Variants in RNF181 observed in about 807,000 individuals in gnomAD.
RNF181 encodes the protein E3 ubiquitin-protein ligase RNF181.
RNF181 carries 25 observed loss-of-function variants against 23.3 expected under a neutral mutation model. That is an observed-to-expected ratio of 1.07 (90% CI 0.78 to 1.50). The LOEUF (loss-of-function observed/expected upper bound fraction) is 1.50. Among genes scored for constraint, RNF181 ranks in the 40% most tolerant of loss-of-function variants. The probability of loss-of-function intolerance (pLI) is 0.00; values close to 1 mark genes in which losing one functional copy is unlikely to be tolerated. For missense variants in RNF181, 167 were observed against 191.1 expected (o/e 0.87, Z 0.74); for synonymous variants, 62 against 70.9 (o/e 0.87, Z 0.63).
At position 85,596,815 on chromosome 2, in the gene RNF181, C is replaced by T. The variant is rs1192569352; in HGVS notation, c.218-7C>T. On this transcript the variant is annotated splice_polypyrimidine_tract_variant and splice_region_variant and intron_variant, in intron 2 of 4. Transcript: ENST00000306368. ...GCAGCTCTCCTGATCAGCACTCCTT[C>T]CTAAAGAGCTCAAGTGCCCCGTGTG... 5 of 1,614,014 alleles carry T rather than the reference C, an allele frequency of 3.1e-6. 1 individual carries two copies. The South Asian group carries it at 5.5e-5, about 18-fold the overall frequency.
At position 85,597,149 on chromosome 2, in the gene RNF181, G is replaced by A. The variant is rs148260133; in HGVS notation, c.373G>A (p.Asp125Asn). The change falls in exon 4 of 5, where the codon GAC (aspartate) becomes AAC (asparagine). Residue 125 changes from aspartate to asparagine, a missense_variant. Asp to Asn is a conservative substitution (Grantham distance 23). Transcript: ENST00000306368. The part of the protein sequence containing the change: ...LCRYELPTDD[D>N]TYEEHRRDKA... ...CCGCTATGAGCTGCCCACTGATGAC[G>A]ACACTTATGAGGAGCACAGACGAGA... 70 of 1,613,874 alleles carry A rather than the reference G, an allele frequency of 4.3e-5. No individual in the cohort carries two copies. The highest frequency in any genetic ancestry group is 5.3e-5 in the African/African-American group (4 of 74,918).
rs778175270 is a variant in RNF181, at chr2:85,595,758, G to T, written c.-6G>T. ...TCCGAGGGCTGTGTCAGAAGGCTGG[G>T]CAGCCATGGCGTCCTATTTCGATGA... On this transcript the variant is annotated 5_prime_UTR_variant, in exon 1 of 5. Coordinates refer to ENST00000306368, the MANE Select transcript of RNF181 (RefSeq NM_016494.4). The T allele has an allele frequency of 2.5e-6, 4 of 1,613,364 alleles. No homozygotes were observed. The South Asian group carries it at 4.4e-5, about 18-fold the overall frequency.
Position 85,597,688 on chromosome 2 carries a change from C to A in RNF181, c.*184C>A. On this transcript the variant is annotated 3_prime_UTR_variant, in exon 5 of 5. Transcript: ENST00000306368. Reference sequence around the variant, plus strand: ...CTAAATCGCAGAAGGCACCAGGCTGCGGTTTTCCTCCCTGCTGGCCCATCT... The same window carrying A: ...CTAAATCGCAGAAGGCACCAGGCTGAGGTTTTCCTCCCTGCTGGCCCATCT... 8.4e-7 allele frequency: 1 copy of A among 1,184,490 alleles called. No homozygotes were observed. The highest frequency in any genetic ancestry group is 1.1e-6 in the Non-Finnish European group (1 of 881,994). The allele number at this position is 1,184,490 out of a possible 1,614,324, so 73.4% of individuals were successfully genotyped here.
At chr2:85,597,340 G>A in intron 4 of RNF181, 105 bp from the exon 5 acceptor site, 1 of 1,448,866 alleles carries the variant, frequency 6.9e-7, no homozygotes, top group Admixed American at 2.2e-5. Flanking sequence ...CAGCAATGCA[G>A]ACGCCAGAGG....
rs1377426360 is a variant in RNF181 at position 85,596,838 on chromosome 2, G to C, written c.234G>C (p.Val78=). 1 of 1,614,210 alleles carries C rather than the reference G, an allele frequency of 6.2e-7. No individual in the cohort carries two copies. Among genetic ancestry groups the C allele is most frequent in the South Asian group, 1.1e-5 (1 of 91,088 alleles). The change falls in exon 3 of 5, where the codon GTG becomes GTC. Residue 78 remains valine, a synonymous_variant. Transcript: ENST00000306368. ...RGSQAELKCP[V]CLLEFEEEET... ...TTCCTAAAGAGCTCAAGTGCCCCGT[G>C]TGTCTTTTGGAATTTGAGGAGGAGG...
chr2:85,597,264 T>G, intron 4 of RNF181, 86 bp downstream of exon 4: 1 of 1,393,996 alleles, frequency 7.2e-7, no homozygotes, highest in East Asian at 2.3e-5. Context: ...TCAGCAGGAC[T>G]GGGTAGGCCT....
intron 3 of RNF181, 58 bp from the exon 4 acceptor site, chr2:85,597,046 G>A: frequency 6.2e-7 from 1 of 1,614,162 alleles, no homozygotes; most frequent in Non-Finnish European, 8.5e-7. Flanking sequence ...GCAGGGGAGG[G>A]TGGTTATCAG....
In RNF181 at chr2:85,597,118, C is replaced by G. The variant is rs1209042141; in HGVS notation, c.342C>G (p.Pro114=). 1 of 1,614,040 alleles carries G rather than the reference C, an allele frequency of 6.2e-7. No individual in the cohort carries two copies. Among genetic ancestry groups the G allele is most frequent in the Non-Finnish European group, 8.5e-7 (1 of 1,180,032 alleles). ...LPWLSKTNSC[P]LCRYELPTDD... is the part of the protein sequence containing the mutation. ...ACTTTTCTCAGACAAATTCCTGTCC[C>G]TTGTGCCGCTATGAGCTGCCCACTG... Residue 114 remains proline (P), a synonymous_variant, in exon 4 of 5, where the codon CCC becomes CCG. Transcript: ENST00000306368.
intron 1 of RNF181, 82 bp downstream of exon 1, chr2:85,595,931 G>T: frequency 8.0e-7 from 1 of 1,250,700 alleles, no homozygotes; most frequent in South Asian, 1.3e-5. Flanking sequence ...ATTACCAGGG[G>T]CAGCGGATTC....
chr2:85,595,785 C>T lies in RNF181; in HGVS notation c.22C>T (p.His8Tyr), dbSNP rs1672659797. 1.9e-6 allele frequency: 3 copies of T among 1,613,960 alleles called. No individual in the cohort carries two copies. The highest frequency in any genetic ancestry group is 1.7e-5 in the Admixed American group (1 of 60,008). MASYFDE[H>Y]DCEPSDPEQE... is the part of the protein sequence containing the mutation. ...AGCCATGGCGTCCTATTTCGATGAA[C>T]ACGACTGCGAGCCGTCGGACCCTGA... Residue 8 changes from histidine to tyrosine, a missense_variant, in exon 1 of 5, where the codon CAC (histidine) becomes TAC (tyrosine). By Grantham distance (83) the His-to-Tyr change is moderately conservative (BLOSUM62 2). Transcript: ENST00000306368.
chr2:85,596,434 G>T, intron 1 of RNF181, 85 bp from the exon 2 acceptor site: 1 of 1,382,846 alleles, frequency 7.2e-7, no homozygotes, highest in Non-Finnish European at 9.8e-7. Context: ...TAGCTGGGCA[G>T]CGTGTTTATT....
chr2:85,597,259 A>C, intron 4 of RNF181, 81 bp downstream of exon 4: 1 of 1,400,142 alleles, frequency 7.1e-7, no homozygotes. Flanking sequence ...CCACCTCAGC[A>C]GGACTGGGTA....
At chr2:85,596,984 C>T (rs763526673) in intron 3 of RNF181, 53 bp downstream of exon 3, 28 of 1,613,932 alleles carry the variant, frequency 1.7e-5, no homozygotes, top group Admixed American at 3.3e-5. Flanking sequence ...AGTACTCAAG[C>T]TTCTTTCTGT....
At position 85,595,756 on chromosome 2, in the gene RNF181, G is replaced by C; in HGVS notation, c.-8G>C. ...GGTCCGAGGGCTGTGTCAGAAGGCT[G>C]GGCAGCCATGGCGTCCTATTTCGAT... On this transcript the variant is annotated 5_prime_UTR_variant, in exon 1 of 5. Coordinates refer to ENST00000306368, the MANE Select transcript of RNF181 (RefSeq NM_016494.4). 6.2e-7 allele frequency: 1 copy of C among 1,613,100 alleles called. No individual in the cohort carries two copies. Among genetic ancestry groups the C allele is most frequent in the Non-Finnish European group, 8.5e-7 (1 of 1,179,540 alleles).
chr2:85,596,128 G>A (rs1194132889), intron 1 of RNF181, among the ~76,000 whole-genome samples: 1 of 152,060 alleles, frequency 6.6e-6, no homozygotes, highest in Non-Finnish European at 1.5e-5. Context: ...GGAGGTCTCA[G>A]AGAAGGTGAG....
At chr2:85,597,243 C>G (rs1244233665) in intron 4 of RNF181, 65 bp downstream of exon 4, 1 of 1,449,828 alleles carries the variant, frequency 6.9e-7, no homozygotes, top group South Asian at 1.2e-5. Flanking sequence ...CCGCTGCCAT[C>G]ACTTCCCACC....
At position 85,596,931 on chromosome 2, in the gene RNF181, G is replaced by T. The variant is rs1409933930; in HGVS notation, c.327G>T (p.Lys109Asn). 6.2e-7 allele frequency: 1 copy of T among 1,614,196 alleles called. No individual in the cohort carries two copies. Residue 109 changes from lysine (K) to asparagine (N), a missense_variant and splice_region_variant, in exon 3 of 5, where the codon AAG (lysine) becomes AAT (asparagine). By Grantham distance (94) the Lys-to-Asn change is moderately conservative (BLOSUM62 0). Coordinates refer to ENST00000306368, the MANE Select transcript of RNF181 (RefSeq NM_016494.4). ...GCTGCATTCTGCCCTGGCTAAGCAA[G>T]GTACTGCTTCTCTTCTTCTAGCTCT... is the stretch of plus-strand genomic sequence containing the variant. ...HSSCILPWLS[K>N]TNSCPLCRYE... is the part of the protein sequence containing the mutation.
At chr2:85,597,324 G>C in intron 4 of RNF181, 121 bp from the exon 5 acceptor site, 1 of 1,403,810 alleles carries the variant, frequency 7.1e-7, no homozygotes, top group South Asian at 1.4e-5. Context: ...TTTGTGGTGA[G>C]AGCCTCAGCA....
Position 85,597,140 on chromosome 2 carries a change from A to G in RNF181, c.364A>G (p.Thr122Ala). 1 of 1,614,092 alleles carries G rather than the reference A, an allele frequency of 6.2e-7. No individual in the cohort carries two copies. The highest frequency in any genetic ancestry group is 8.5e-7 in the Non-Finnish European group (1 of 1,180,008). ...TCCCTTGTGCCGCTATGAGCTGCCC[A>G]CTGATGACGACACTTATGAGGAGCA... Reference protein sequence around the residue: ...SCPLCRYELPTDDDTYEEHRR... With the variant: ...SCPLCRYELPADDDTYEEHRR... Residue 122 changes from threonine to alanine, a missense_variant, in exon 4 of 5, where the codon ACT becomes GCT. Thr to Ala is a moderately conservative substitution (Grantham distance 58). Transcript: ENST00000306368.
Sources: allele counts gnomAD v4.1 joint callset (sites outside exome capture counted in the v4.1 genomes callset), GRCh38; gene constraint gnomAD v4.1.1; transcripts MANE v1.5; gene names NCBI Gene and HGNC (gene_info 2026-07-23, HGNC 2026-07-21).